Variants in CDK8 observed in about 807,000 individuals in gnomAD.
The protein encoded by CDK8 is cyclin-dependent kinase 8.
In CDK8, 29 loss-of-function variants were observed where a neutral mutation model predicts 71.5. That is an observed-to-expected ratio of 0.41 (90% CI 0.30 to 0.55). The LOEUF (loss-of-function observed/expected upper bound fraction) is 0.55, where lower values mean the gene tolerates loss of function less well. Among genes scored for constraint, CDK8 ranks in the 20% least tolerant of loss-of-function variants. The probability of loss-of-function intolerance (pLI) is 0.37; values close to 1 mark genes in which losing one functional copy is unlikely to be tolerated. For synonymous variants in CDK8, 161 were observed against 192.1 expected (o/e 0.84, Z 1.34); for missense variants, 288 against 572.6 (o/e 0.50, Z 5.07).
At chr13:26,371,848 C>T (rs1183456755) in intron 4 of CDK8, among the ~76,000 whole-genome samples, 1 of 152,114 alleles carries the variant, frequency 6.6e-6, no homozygotes, top group African/African-American at 2.4e-5. Context: ...GAAATCCTGA[C>T]CTCAAGTTAT....
intron 1 of CDK8, among the ~76,000 whole-genome samples, chr13:26,256,954 C>G (rs1321327348): frequency 6.6e-6 from 1 of 152,054 alleles, no homozygotes; most frequent in Admixed American, 6.5e-5. Context: ...TTTGACTTCT[C>G]TTTGTAACCT....
chr13:26,400,669 T>G (rs1220836737), intron 10 of CDK8, 119 bp downstream of exon 10: 1 of 692,620 alleles, frequency 1.4e-6, no homozygotes, highest in African/African-American at 1.8e-5. Flanking sequence ...AAATCCTTTA[T>G]GACAAGCAAA....
chr13:26,300,012 A>G (rs1873753477), intron 1 of CDK8, among the ~76,000 whole-genome samples: 1 of 152,136 alleles, frequency 6.6e-6, no homozygotes, highest in Non-Finnish European at 1.5e-5. Flanking sequence ...TTCTTTAATA[A>G]TTATATAATT....
At chr13:26,311,647 C>T (rs575553999) in intron 1 of CDK8, among the ~76,000 whole-genome samples, 3 of 152,296 alleles carry the variant, frequency 2.0e-5, no homozygotes, top group South Asian at 2.1e-4. Context: ...CCACAGGCAG[C>T]GGGGCCATGT....
chr13:26,329,844 G>A (rs887823704), intron 1 of CDK8, among the ~76,000 whole-genome samples: 6 of 152,044 alleles, frequency 3.9e-5, no homozygotes, highest in African/African-American at 1.5e-4. Flanking sequence ...GGCTGTCACC[G>A]GTAGCCATTT....
At chr13:26,380,709 G>A (rs1385559505) in intron 4 of CDK8, among the ~76,000 whole-genome samples, 1 of 152,124 alleles carries the variant, frequency 6.6e-6, no homozygotes, top group Non-Finnish European at 1.5e-5. Context: ...TTGAGCTCCT[G>A]GACTCTGGCA....
chr13:26,385,822 G>T (rs1412205433), intron 6 of CDK8, among the ~76,000 whole-genome samples: 2 of 151,570 alleles, frequency 1.3e-5, no homozygotes, highest in African/African-American at 4.8e-5. Flanking sequence ...TAGCAATAGG[G>T]GTATATCATT....
chr13:26,398,294 G>T (rs1441802726), intron 9 of CDK8, among the ~76,000 whole-genome samples: 3 of 152,124 alleles, frequency 2.0e-5, no homozygotes, highest in African/African-American at 7.2e-5. Flanking sequence ...TCGAAATTAT[G>T]GACTTACTGA....
intron 1 of CDK8, among the ~76,000 whole-genome samples, chr13:26,275,592 A>G (rs1872530359): frequency 6.6e-6 from 1 of 152,142 alleles, no homozygotes. Flanking sequence ...GACATCTTGT[A>G]TTTCATTTGC....
At chr13:26,290,580 C>T (rs577144342) in intron 1 of CDK8, among the ~76,000 whole-genome samples, 26 of 152,278 alleles carry the variant, frequency 1.7e-4, no homozygotes, top group Non-Finnish European at 3.7e-4. Context: ...TCAAACCCCA[C>T]ACCCCTTTTC....
chr13:26,383,932 A>G (rs1027511066), intron 5 of CDK8, among the ~76,000 whole-genome samples: 5 of 152,170 alleles, frequency 3.3e-5, no homozygotes, highest in Non-Finnish European at 7.3e-5. Flanking sequence ...AAGTCTTTAC[A>G]TGTGCTTTTA....
intron 2 of CDK8, 25 bp downstream of exon 2, chr13:26,337,667 G>C (rs370235178): frequency 8.5e-7 from 1 of 1,177,478 alleles, no homozygotes; most frequent in East Asian, 2.7e-5. Flanking sequence ...TTTTATCATC[G>C]TTATTATCAA....
chr13:26,307,232 G>A (rs751038121), intron 1 of CDK8, among the ~76,000 whole-genome samples: 7 of 152,140 alleles, frequency 4.6e-5, no homozygotes, highest in Non-Finnish European at 1.0e-4. Flanking sequence ...ATGGAATTAT[G>A]GTTTCTAATC....
intron 1 of CDK8, among the ~76,000 whole-genome samples, chr13:26,280,886 G>C (rs927089977): frequency 6.6e-6 from 1 of 152,178 alleles, no homozygotes; most frequent in Admixed American, 6.5e-5. Context: ...TGGACTTCTT[G>C]CTCCAGGAAC....
chr13:26,401,459 A>G lies in CDK8; in HGVS notation c.1111-7A>G. 6.2e-7 allele frequency: 1 copy of G among 1,614,134 alleles called. No individual in the cohort carries two copies. On this transcript the variant is annotated splice_region_variant and splice_polypyrimidine_tract_variant and intron_variant, in intron 11 of 12. Transcript: ENST00000381527. This position sits in a 1 kb window ranked among gnomAD's most constrained non-coding sequence, Gnocchi z 4.5. The stretch of plus-strand genomic sequence containing the variant: ...TGAGCTGAACTTTTTCTGTTTAACC[A>G]ATTGAGAAGAACCAGCAGCAGCAGC...
chr13:26,272,037 T>TAAAATAACCTC (rs1404353407), intron 1 of CDK8, among the ~76,000 whole-genome samples: 3 of 151,892 alleles, frequency 2.0e-5, no homozygotes, highest in Admixed American at 2.0e-4. Flanking sequence ...TTTTCTTCAA[T>TAAAATAACCTC]AATAAATTAA....
intron 1 of CDK8, among the ~76,000 whole-genome samples, chr13:26,261,358 T>C (rs1871762542): frequency 2.0e-5 from 3 of 152,146 alleles, no homozygotes; most frequent in African/African-American, 7.2e-5. Context: ...ATGTGATCAG[T>C]ATAGTGTTTT....
At chr13:26,370,415 C>T (rs1460364411) in intron 4 of CDK8, among the ~76,000 whole-genome samples, 2 of 152,110 alleles carry the variant, frequency 1.3e-5, no homozygotes, top group Non-Finnish European at 2.9e-5. Context: ...TCTTAGTAGT[C>T]ATAAATATAA....
In CDK8 at chr13:26,378,649, A is replaced by C. The variant is rs370860961; in HGVS notation, c.457-4165A>C. ...AGGATTTCTGATCTCCATGGCAACAAATACAGTTTAATGGAGTATATGCCT... is the reference window on the plus strand; with the variant it reads ...AGGATTTCTGATCTCCATGGCAACACATACAGTTTAATGGAGTATATGCCT... On this transcript the variant is annotated intron_variant, in intron 4 of 12. Coordinates refer to ENST00000381527, the MANE Select transcript of CDK8 (RefSeq NM_001260.3). Among the ~76,000 whole-genome samples, 46 of 152,344 alleles carry C rather than the reference A, an allele frequency of 3.0e-4. No homozygotes were observed. In the South Asian group the frequency reaches 9.3e-3, roughly 31 times the overall value.
Sources: gnomAD v4.1 joint callset for allele counts (sites outside exome capture counted in the v4.1 genomes callset) on GRCh38, gnomAD v4.1.1 for gene constraint, Gnocchi (gnomAD v3.1) non-coding constraint, MANE v1.5 for transcripts, NCBI Gene and HGNC (gene_info 2026-07-23, HGNC 2026-07-21) for gene names.